MGMT: variants seen among roughly 807,000 people sequenced by gnomAD.
The protein encoded by MGMT is methylated-DNA--protein-cysteine methyltransferase.
MGMT carries 14 observed loss-of-function variants against 15.9 expected under a neutral mutation model. That is an observed-to-expected ratio of 0.88 (90% CI 0.58 to 1.37). The LOEUF (loss-of-function observed/expected upper bound fraction) is 1.37, where lower values mean the gene tolerates loss of function less well. Among genes scored for constraint, MGMT ranks in the 40% most tolerant of loss-of-function variants. The probability of loss-of-function intolerance (pLI) is 0.00; values close to 1 mark genes in which losing one functional copy is unlikely to be tolerated. For missense variants in MGMT, 282 were observed against 268.1 expected, an observed-to-expected ratio of 1.05 and a Z score of -0.36; for synonymous variants, 130 against 118.2, an observed-to-expected ratio of 1.10 and a Z score of -0.65.
intron 2 of MGMT, among the ~76,000 whole-genome samples, chr10:129,674,071 A>G (rs1280037706): frequency 1.4e-4 from 22 of 152,126 alleles, no homozygotes; most frequent in Admixed American, 1.4e-3. Flanking sequence ...GCTCTCTTTG[A>G]TTCTACAGGA....
intron 1 of MGMT, among the ~76,000 whole-genome samples, chr10:129,484,599 G>A (rs1845389859): frequency 6.6e-6 from 1 of 152,158 alleles, no homozygotes; most frequent in Non-Finnish European, 1.5e-5. Context: ...GTTTGGTTCT[G>A]TTGAATGATT....
chr10:129,666,078 T>A (rs56383940), intron 2 of MGMT, among the ~76,000 whole-genome samples: 8,013 of 152,162 alleles, frequency 0.053, 341 homozygotes, highest in Admixed American at 0.12. Flanking sequence ...ATAATGTTTG[T>A]GTGGGGAGGG....
At chr10:129,698,113 C>T (rs754827298) in intron 2 of MGMT, among the ~76,000 whole-genome samples, 3 of 152,172 alleles carry the variant, frequency 2.0e-5, no homozygotes, top group African/African-American at 4.8e-5. Context: ...CACCCTCAGC[C>T]GGGCAGGGCA....
At chr10:129,662,285 G>A (rs1209950800) in intron 2 of MGMT, among the ~76,000 whole-genome samples, 1 of 152,080 alleles carries the variant, frequency 6.6e-6, no homozygotes, top group Admixed American at 6.6e-5. Flanking sequence ...ACCAGGAAGT[G>A]GAAGATTAGG....
At chr10:129,755,114 T>C (rs1848790228) in intron 3 of MGMT, among the ~76,000 whole-genome samples, 2 of 152,254 alleles carry the variant, frequency 1.3e-5, no homozygotes, top group African/African-American at 4.8e-5. Flanking sequence ...AGCCCTCACG[T>C]AGCTGCTCTG....
chr10:129,512,846 C>T (rs1845698857), intron 1 of MGMT, among the ~76,000 whole-genome samples: 1 of 152,072 alleles, frequency 6.6e-6, no homozygotes, highest in Non-Finnish European at 1.5e-5. Flanking sequence ...TCTGGAGGTT[C>T]CTGAAAACAT....
Position 129,556,088 on chromosome 10 carries a change from C to T in MGMT, c.125+19711C>T, listed in dbSNP as rs1385197189. Among the ~76,000 whole-genome samples, 1 of 152,148 alleles carries T rather than the reference C, an allele frequency of 6.6e-6. No homozygotes were observed. Among genetic ancestry groups the T allele is most frequent in the Non-Finnish European group, 1.5e-5 (1 of 68,016 alleles). ...TTGTGTCTCCTCAGTTTACAGAGTC[C>T]ATGTTTTTGGTGACTCTTGCCTTGG... On this transcript the variant is annotated intron_variant, in intron 2 of 4. Coordinates refer to ENST00000651593, the MANE Select transcript of MGMT (RefSeq NM_002412.5). This position sits in a 1 kb window ranked among gnomAD's most constrained non-coding sequence, Gnocchi z 4.3.
At chr10:129,515,915 GGTCT>G (rs1185804118) in intron 1 of MGMT, among the ~76,000 whole-genome samples, 1 of 152,116 alleles carries the variant, frequency 6.6e-6, no homozygotes, top group Non-Finnish European at 1.5e-5. Flanking sequence ...TTCTGTGAAG[GGTCT>G]GTTTTATTTT....
chr10:129,475,430 A>G (rs1845281501), intron 1 of MGMT, among the ~76,000 whole-genome samples: 1 of 152,166 alleles, frequency 6.6e-6, no homozygotes, highest in South Asian at 2.1e-4. Context: ...TGCGGGTCTT[A>G]TAAGGCCTTT....
At chr10:129,714,203 T>TA (rs747303702) in intron 3 of MGMT, among the ~76,000 whole-genome samples, 19 of 152,220 alleles carry the variant, frequency 1.2e-4, no homozygotes, top group Non-Finnish European at 2.4e-4. Context: ...GCCAGCCCAG[T>TA]AACAGCGAAG....
chr10:129,623,770 C>T (rs764204912), intron 2 of MGMT, among the ~76,000 whole-genome samples: 21 of 152,174 alleles, frequency 1.4e-4, no homozygotes, highest in Non-Finnish European at 2.5e-4. Flanking sequence ...GTCTTCCTGC[C>T]TTGGCCTCCA....
chr10:129,625,013 A>G (rs1437527832), intron 2 of MGMT, among the ~76,000 whole-genome samples: 1 of 152,236 alleles, frequency 6.6e-6, no homozygotes, highest in Admixed American at 6.5e-5. Context: ...AAATTTTCAA[A>G]ATTCCCAGCC....
chr10:129,769,401 A>G lies in MGMT; in HGVS notation c.*2404A>G, dbSNP rs1848976272. Reference sequence around the variant, plus strand: ...GAGAGGGAAGGCACAAAGAAATACAAAACTATTTTCCAAATAAAAAGAAAT... The same window carrying G: ...GAGAGGGAAGGCACAAAGAAATACAGAACTATTTTCCAAATAAAAAGAAAT... On this transcript the variant is annotated 3_prime_UTR_variant, in exon 5 of 5. Coordinates refer to ENST00000651593, the MANE Select transcript of MGMT (RefSeq NM_002412.5). 6.6e-6 allele frequency: 1 copy of G among 151,700 alleles called. No individual in the cohort carries two copies. The highest frequency in any genetic ancestry group is 6.6e-5 in the Admixed American group (1 of 15,260). 9.4% of individuals were successfully genotyped at this position (151,700 alleles called of 1,614,324 possible). A position where few individuals can be genotyped will look rare whatever the true frequency, so the allele number is the denominator to read the frequency against.
chr10:129,485,692 C>T (rs11016807), intron 1 of MGMT, among the ~76,000 whole-genome samples: 14,227 of 152,280 alleles, frequency 0.093, 817 homozygotes, highest in East Asian at 0.3. Context: ...TTCTGGTTCC[C>T]AGAATTTCAG....
At chr10:129,497,762 G>C (rs1191418295) in intron 1 of MGMT, among the ~76,000 whole-genome samples, 1 of 152,210 alleles carries the variant, frequency 6.6e-6, no homozygotes, top group Non-Finnish European at 1.5e-5. Flanking sequence ...TCAGGCTGGA[G>C]CCCTCAGAAT....
intron 2 of MGMT, among the ~76,000 whole-genome samples, chr10:129,613,220 C>G (rs898018028): frequency 1.3e-5 from 2 of 152,182 alleles, no homozygotes; most frequent in Non-Finnish European, 2.9e-5. Flanking sequence ...GAGATGGTCT[C>G]TGAGGCCTGC....
intron 1 of MGMT, among the ~76,000 whole-genome samples, chr10:129,470,624 G>T (rs1247338599): frequency 6.6e-6 from 1 of 152,176 alleles, no homozygotes; most frequent in Admixed American, 6.5e-5. Flanking sequence ...AAGGTGCTCG[G>T]TCCCGGCAGC....
intron 2 of MGMT, among the ~76,000 whole-genome samples, chr10:129,636,663 AT>A (rs1355241447): frequency 6.6e-6 from 1 of 152,138 alleles, no homozygotes; most frequent in Admixed American, 6.5e-5. Flanking sequence ...AACTCTATAG[AT>A]TGTTTTGTGG....
chr10:129,536,394 G>T lies in MGMT; in HGVS notation c.125+17G>T. 1 of 1,608,760 alleles carries T rather than the reference G, an allele frequency of 6.2e-7. No homozygotes were observed. On this transcript the variant is annotated intron_variant, in intron 2 of 4. Transcript: ENST00000651593. Reference sequence around the variant, plus strand: ...TGCAGCTGAGTAAGTATGAGCCCACGTGATCCTGTATACCGCACATGCTGA... The same window carrying T: ...TGCAGCTGAGTAAGTATGAGCCCACTTGATCCTGTATACCGCACATGCTGA...
Sources: gnomAD v4.1 joint callset for allele counts (sites outside exome capture counted in the v4.1 genomes callset) on GRCh38, gnomAD v4.1.1 for gene constraint, Gnocchi (gnomAD v3.1) non-coding constraint, MANE v1.5 for transcripts, NCBI Gene and HGNC (gene_info 2026-07-23, HGNC 2026-07-21) for gene names.